Variants in FAT4 observed in about 807,000 individuals in gnomAD.
FAT4 encodes the protein FAT atypical cadherin 4.
A neutral mutation model predicts 303.9 loss-of-function variants in FAT4; 84 were observed. The ratio of observed to expected loss-of-function variants is 0.28; its 90% CI spans 0.23 to 0.33. The LOEUF is 0.33. FAT4 is among the 10% of genes least tolerant of loss of function. FAT4 has a pLI of 1.00. For synonymous variants in FAT4, 2,307 were observed against 2,298.8 expected (o/e 1.00, Z -0.10); for missense variants, 6,005 against 6,146.8 (o/e 0.98, Z 0.77).
intron 2 of FAT4, among the ~76,000 whole-genome samples, chr4:125,339,298 C>A (rs1301571428): frequency 6.6e-6 from 1 of 151,422 alleles, no homozygotes; most frequent in Non-Finnish European, 1.5e-5. Flanking sequence ...CGGGTTCAAG[C>A]GATTCTCCTG....
At position 125,451,772 on chromosome 4, in the gene FAT4, A is replaced by G. The variant is rs1187751054; in HGVS notation, c.10762A>G (p.Thr3588Ala). ...TGCAGACTTCTATCTGTCTGTGGTT[A>G]CCAAGGATTCTGGTGTTCCTCAAAT... The part of the protein sequence containing the change: ...QIADFYLSVV[T>A]KDSGVPQMSS... The change falls in exon 10 of 18, where the codon ACC (threonine) becomes GCC (alanine). Residue 3588 changes from threonine to alanine, a missense_variant. By Grantham distance (58) the Thr-to-Ala change is moderately conservative. Coordinates refer to ENST00000394329, the MANE Select transcript of FAT4 (RefSeq NM_001291303.3). 6.2e-7 allele frequency: 1 copy of G among 1,614,204 alleles called. No homozygotes were observed. The highest frequency in any genetic ancestry group is 1.7e-5 in the Admixed American group (1 of 60,028).
At chr4:125,330,767 A>G (rs1342833782) in intron 2 of FAT4, among the ~76,000 whole-genome samples, 1 of 152,212 alleles carries the variant, frequency 6.6e-6, no homozygotes, top group Non-Finnish European at 1.5e-5. Flanking sequence ...TAGTCTAGCA[A>G]CCAGAGTGAG....
chr4:125,375,619 C>G (rs1239039705), intron 2 of FAT4, among the ~76,000 whole-genome samples: 2 of 152,206 alleles, frequency 1.3e-5, no homozygotes, highest in East Asian at 3.8e-4. Flanking sequence ...ACTTTCAGCT[C>G]TCTGGCCTAG....
chr4:125,471,045 G>T (rs912366271), intron 12 of FAT4, among the ~76,000 whole-genome samples: 3 of 152,198 alleles, frequency 2.0e-5, no homozygotes, highest in African/African-American at 7.2e-5. Flanking sequence ...TTTCAGTAGT[G>T]TTTTATCTCA....
chr4:125,477,054 A>C (rs1560631465), intron 13 of FAT4, 101 bp from the exon 14 acceptor site: 6 of 900,504 alleles, frequency 6.7e-6, no homozygotes, highest in Non-Finnish European at 9.0e-6. Context: ...CACTATAATA[A>C]ATGTCAAAAA....
Position 125,490,739 on chromosome 4 carries a change from C to T in FAT4, c.13923C>T (p.Tyr4641=). 1 of 1,614,124 alleles carries T rather than the reference C, an allele frequency of 6.2e-7. No homozygotes were observed. The highest frequency in any genetic ancestry group is 8.5e-7 in the Non-Finnish European group (1 of 1,180,024). The change falls in exon 18 of 18, where the codon TAC becomes TAT. Residue 4641 remains tyrosine, a synonymous_variant. Coordinates refer to ENST00000394329, the MANE Select transcript of FAT4 (RefSeq NM_001291303.3). The part of the protein sequence containing the change: ...APSDADIIQH[Y]KQFRSHTPKF... ...CGGATGCAGACATCATTCAACACTA[C>T]AAGCAGTTCCGCAGCCACACACCAA...
intron 12 of FAT4, among the ~76,000 whole-genome samples, chr4:125,469,313 G>T (rs1487496023): frequency 6.6e-6 from 1 of 152,180 alleles, no homozygotes; most frequent in Non-Finnish European, 1.5e-5. Context: ...ACTGAGCCAG[G>T]TAGTAGTGGC....
At chr4:125,462,194 A>T (rs1045495744) in intron 10 of FAT4, among the ~76,000 whole-genome samples, 1 of 151,994 alleles carries the variant, frequency 6.6e-6, no homozygotes, top group Admixed American at 6.6e-5. Flanking sequence ...TCAGACCAGA[A>T]TAAGTGTGGC....
At chr4:125,370,822 A>G (rs1733076966) in intron 2 of FAT4, among the ~76,000 whole-genome samples, 1 of 152,156 alleles carries the variant, frequency 6.6e-6, no homozygotes, top group East Asian at 1.9e-4. Context: ...AATTTTATAG[A>G]AATCATCACA....
chr4:125,412,180 G>A (rs1014589482), intron 5 of FAT4, among the ~76,000 whole-genome samples: 4 of 151,816 alleles, frequency 2.6e-5, no homozygotes, highest in Admixed American at 2.6e-4. Context: ...AATATTCCGG[G>A]AGAAATTTGA....
chr4:125,405,372 T>C (rs1383518302), intron 3 of FAT4, among the ~76,000 whole-genome samples: 1 of 152,110 alleles, frequency 6.6e-6, no homozygotes, highest in African/African-American at 2.4e-5. Flanking sequence ...GGGTTCCAAT[T>C]TCCCCACTTC....
Position 125,320,098 on chromosome 4 carries a change from G to A in FAT4, c.3687G>A (p.Val1229=), listed in dbSNP as rs7657251. Residue 1229 remains valine (V), a synonymous_variant, in exon 2 of 18, where the codon GTG becomes GTA. Transcript: ENST00000394329. ...ISESAANLTQ[V]LRVSASDVDE... ...AATCAGCAGCCAATCTGACACAAGT[G>A]TTAAGAGTATCTGCCTCAGATGTTG... is the stretch of plus-strand genomic sequence containing the variant. 5 of 1,613,824 alleles carry A rather than the reference G, an allele frequency of 3.1e-6. No homozygotes were observed. Among genetic ancestry groups the A allele is most frequent in the African/African-American group, 1.3e-5 (1 of 75,012 alleles).
At chr4:125,397,999 C>G (rs1734246692) in intron 2 of FAT4, among the ~76,000 whole-genome samples, 1 of 152,040 alleles carries the variant, frequency 6.6e-6, no homozygotes, top group South Asian at 2.1e-4. Flanking sequence ...GCTGTCTTTC[C>G]CCTTTTCTTA....
chr4:125,412,875 A>G (rs1560806657), intron 5 of FAT4, among the ~76,000 whole-genome samples: 2 of 151,780 alleles, frequency 1.3e-5, no homozygotes, highest in Non-Finnish European at 3.0e-5. Context: ...TGTTTTCATA[A>G]CTGCATTTCT....
In FAT4 at chr4:125,315,076, GTA is replaced by G. The variant is rs907910589; in HGVS notation, c.-912_-911del. ...GCGCTGTGTGTGTGTGTGTGCGTGT[GTA>G]TGTGTGTGTGTGTGCATGCCTGTGC... is the stretch of plus-strand genomic sequence containing the variant. On this transcript the variant is annotated 5_prime_UTR_variant, in exon 1 of 18. An upstream start codon of the reference 5' UTR is lost. Transcript: ENST00000394329. 1.3e-4 allele frequency among the ~76,000 whole-genome samples: 20 copies of G among 151,952 alleles called. No homozygotes were observed. The highest frequency in any genetic ancestry group is 4.8e-4 in the African/African-American group (20 of 41,342).
At chr4:125,361,971 T>C (rs1399041713) in intron 2 of FAT4, among the ~76,000 whole-genome samples, 1 of 152,068 alleles carries the variant, frequency 6.6e-6, no homozygotes, top group Non-Finnish European at 1.5e-5. Context: ...TTATTTTAAG[T>C]CCCAGATTCT....
intron 2 of FAT4, among the ~76,000 whole-genome samples, chr4:125,341,639 C>T (rs2125968788): frequency 6.6e-6 from 1 of 152,080 alleles, no homozygotes; most frequent in South Asian, 2.1e-4. Context: ...ATCTAAAAAT[C>T]ATTTACATTT....
intron 2 of FAT4, among the ~76,000 whole-genome samples, chr4:125,385,783 T>C (rs1159081098): frequency 1.3e-5 from 2 of 152,184 alleles, no homozygotes; most frequent in Non-Finnish European, 2.9e-5. Context: ...ATTTTCTTTC[T>C]ACATTTCCAT....
intron 5 of FAT4, 91 bp downstream of exon 5, chr4:125,408,885 A>G (rs567341387): frequency 1.5e-6 from 1 of 673,104 alleles, no homozygotes; most frequent in East Asian, 3.2e-5. Flanking sequence ...GCTGTCACAA[A>G]AATGCATTTT....
Sources: gnomAD v4.1 joint callset for allele counts (sites outside exome capture counted in the v4.1 genomes callset) on GRCh38, gnomAD v4.1.1 for gene constraint, MANE v1.5 for transcripts, NCBI Gene and HGNC (gene_info 2026-07-23, HGNC 2026-07-21) for gene names.